The following CATSPERT variants were observed in gnomAD, a reference collection of about 807,000 sequenced individuals.
CATSPERT encodes the protein cation channel sperm-associated targeting subunit tau.
the CATSPERT span, among the ~76,000 whole-genome samples, chr2:201,525,371 T>TA: frequency 6.6e-6 from 1 of 152,084 alleles, no homozygotes. Flanking sequence ...GGGTAAATAA[T>TA]GAAATTAAGG....
At chr2:201,587,683 T>G in the CATSPERT span, among the ~76,000 whole-genome samples, 209 of 152,276 alleles carry the variant, frequency 1.4e-3, 2 homozygotes, top group East Asian at 0.035. Flanking sequence ...ACTTACTCAC[T>G]TAAGGTTCAC....
At chr2:201,571,847 T>C in the CATSPERT span, 3 of 1,182,572 alleles carry the variant, frequency 2.5e-6, no homozygotes, top group Non-Finnish European at 3.7e-6. Context: ...GGGGACTTCT[T>C]AAAATAACTC....
chr2:201,519,525 T>C, the CATSPERT span, among the ~76,000 whole-genome samples: 92,996 of 151,676 alleles, frequency 0.61, 30,266 homozygotes, highest in East Asian at 0.95. Context: ...TAAGGAAATA[T>C]ATAAAATTCC....
chr2:201,493,236 A>G, the CATSPERT span: 3 of 1,536,620 alleles, frequency 2.0e-6, no homozygotes, highest in Non-Finnish European at 2.6e-6. Context: ...AAAGCCTCTG[A>G]CCATTTCTTG....
chr2:201,501,041 G>A, the CATSPERT span, among the ~76,000 whole-genome samples: 2 of 151,946 alleles, frequency 1.3e-5, no homozygotes, highest in East Asian at 3.9e-4. Flanking sequence ...CAAAACTTAT[G>A]GGACACAGAA....
the CATSPERT span, among the ~76,000 whole-genome samples, chr2:201,531,582 G>A: frequency 6.6e-6 from 1 of 152,096 alleles, no homozygotes; most frequent in Admixed American, 6.5e-5. Context: ...ACTTTACATA[G>A]AGTGGTCAGA....
chr2:201,572,994 G>C, the CATSPERT span, among the ~76,000 whole-genome samples: 12 of 152,112 alleles, frequency 7.9e-5, no homozygotes, highest in African/African-American at 2.9e-4. Context: ...AGTGAAAAAT[G>C]ATATGCAAAT....
At chr2:201,609,223 A>T in the CATSPERT span, among the ~76,000 whole-genome samples, 1 of 152,188 alleles carries the variant, frequency 6.6e-6, no homozygotes, top group East Asian at 1.9e-4. Flanking sequence ...GGAAGGATAG[A>T]CTCCAATACA....
the CATSPERT span, among the ~76,000 whole-genome samples, chr2:201,562,616 A>T: frequency 6.8e-6 from 1 of 147,940 alleles, no homozygotes; most frequent in Non-Finnish European, 1.5e-5. Flanking sequence ...CAGCAGATAA[A>T]CAAGTGAACA....
the CATSPERT span, chr2:201,492,755 T>C: frequency 2.6e-6 from 4 of 1,534,730 alleles, no homozygotes; most frequent in Non-Finnish European, 3.5e-6. Context: ...CCCTGAAAAC[T>C]GTTTGGCCCT....
chr2:201,601,394 G>A, the CATSPERT span, among the ~76,000 whole-genome samples: 2 of 151,056 alleles, frequency 1.3e-5, no homozygotes, highest in African/African-American at 2.4e-5. Context: ...AGAAGAAAAG[G>A]AATGGGAAAG....
At chr2:201,522,873 T>A in the CATSPERT span, among the ~76,000 whole-genome samples, 1 of 152,094 alleles carries the variant, frequency 6.6e-6, no homozygotes, top group African/African-American at 2.4e-5. Flanking sequence ...ACAGGGCCAG[T>A]TTGGTCTGAG....
At chr2:201,541,088 G>C in the CATSPERT span, among the ~76,000 whole-genome samples, 4 of 152,298 alleles carry the variant, frequency 2.6e-5, no homozygotes, top group Admixed American at 2.0e-4. Flanking sequence ...CTGAAGATGT[G>C]AGTAAACTGC....
the CATSPERT span, among the ~76,000 whole-genome samples, chr2:201,505,049 G>C: frequency 6.6e-6 from 1 of 152,114 alleles, no homozygotes; most frequent in African/African-American, 2.4e-5. Flanking sequence ...TAGTCACCCT[G>C]GTACTGGAAC....
the CATSPERT span, among the ~76,000 whole-genome samples, chr2:201,567,778 C>T: frequency 6.6e-6 from 1 of 152,214 alleles, no homozygotes; most frequent in Non-Finnish European, 1.5e-5. Context: ...AAGTGAATCT[C>T]ATCATAAACA....
the CATSPERT span, among the ~76,000 whole-genome samples, chr2:201,501,482 A>G: frequency 1.3e-5 from 2 of 151,938 alleles, no homozygotes; most frequent in Non-Finnish European, 2.9e-5. Flanking sequence ...TCCTTAATGC[A>G]TACATTAGAA....
At chr2:201,583,726 G>A in the CATSPERT span, among the ~76,000 whole-genome samples, 1 of 152,042 alleles carries the variant, frequency 6.6e-6, no homozygotes, top group Non-Finnish European at 1.5e-5. Context: ...CAAGGAAAAT[G>A]AGCAGTTAAC....
the CATSPERT span, among the ~76,000 whole-genome samples, chr2:201,572,694 T>C: frequency 1.3e-5 from 2 of 151,516 alleles, no homozygotes; most frequent in Non-Finnish European, 2.9e-5. Context: ...CAATTAGGGG[T>C]CCCTATAAGG....
chr2:201,588,470 T>G, the CATSPERT span, among the ~76,000 whole-genome samples: 2 of 147,724 alleles, frequency 1.4e-5, no homozygotes, highest in African/African-American at 5.0e-5. Flanking sequence ...ACACTCTCAA[T>G]AAACTAGGTA....
Sources: allele counts gnomAD v4.1 joint callset (sites outside exome capture counted in the v4.1 genomes callset), GRCh38; gene constraint gnomAD v4.1.1; transcripts MANE v1.5; gene names NCBI Gene and HGNC (gene_info 2026-07-23, HGNC 2026-07-21).